Variants in MTARC1 observed in about 807,000 individuals in gnomAD.
The protein encoded by MTARC1 is mitochondrial amidoxime reducing component 1, also known as mitochondrial amidoxime-reducing component 1.
A neutral mutation model predicts 33.6 loss-of-function variants in MTARC1; 24 were observed. The ratio of observed to expected loss-of-function variants is 0.72; its 90% CI spans 0.52 to 1.01. The LOEUF is 1.01. Ranked by LOEUF, MTARC1 falls within the 50% of genes least tolerant of loss-of-function variation. MTARC1 has a pLI of 0.00. For synonymous variants in MTARC1, 187 were observed against 189.5 expected, an observed-to-expected ratio of 0.99 and a Z score of 0.11; for missense variants, 417 against 445.7, an observed-to-expected ratio of 0.94 and a Z score of 0.58.
chr1:220,813,190 C>T (rs936825659), intron 6 of MTARC1, 102 bp from the exon 7 acceptor site: 69 of 1,504,164 alleles, frequency 4.6e-5, no homozygotes, highest in Non-Finnish European at 5.4e-5. Flanking sequence ...GGTGCCCTCT[C>T]GAGCTGTGCG....
At chr1:220,799,783 G>T (rs1441382961) in intron 4 of MTARC1, among the ~76,000 whole-genome samples, 2 of 152,190 alleles carry the variant, frequency 1.3e-5, no homozygotes, top group Non-Finnish European at 2.9e-5. Flanking sequence ...TAATCCACCT[G>T]CTTCCGCAAG....
Position 220,796,541 on chromosome 1 carries a change from T to C in MTARC1, c.450-102T>C, listed in dbSNP as rs943932316. On this transcript the variant is annotated intron_variant, in intron 2 of 6. Coordinates refer to ENST00000366910, the MANE Select transcript of MTARC1 (RefSeq NM_022746.4). ...TCTTCTGATAATTAAGAAATGACAG[T>C]AATGTTACAGCTAGGAGCAGCTTTT... 6 of 1,311,388 alleles carry C rather than the reference T, an allele frequency of 4.6e-6. No homozygotes were observed. In the African/African-American group the frequency reaches 9.3e-5, roughly 20 times the overall value. 81.2% of individuals were successfully genotyped at this position (1,311,388 alleles called of 1,614,324 possible).
chr1:220,787,040 G>A lies in MTARC1; in HGVS notation c.96G>A (p.Ala32=). ...WLGVAALGLT[A]VALGAVAWRR... ...GGGTTGCCGCGCTGGGCCTGACCGC[G>A]GTGGCGCTGGGGGCTGTCGCCTGGC... Residue 32 remains alanine (A), a synonymous_variant, in exon 1 of 7, where the codon GCG becomes GCA. Transcript: ENST00000366910. 1 of 1,379,158 alleles carries A rather than the reference G, an allele frequency of 7.3e-7. No homozygotes were observed. The highest frequency in any genetic ancestry group is 1.7e-5 in the South Asian group (1 of 57,992). The allele number at this position is 1,379,158 out of a possible 1,614,324, so 85.4% of individuals were successfully genotyped here. A position where few individuals can be genotyped will look rare whatever the true frequency, so the allele number is the denominator to read the frequency against.
At chr1:220,793,310 T>C (rs1242138930) in intron 2 of MTARC1, 1 of 152,238 alleles carries the variant, frequency 6.6e-6, no homozygotes, top group Non-Finnish European at 1.5e-5. Flanking sequence ...TTTCTTACAG[T>C]TAATTTTTTT....
chr1:220,791,345 A>T, intron 1 of MTARC1, 146 bp from the exon 2 acceptor site: 1 of 809,672 alleles, frequency 1.2e-6, no homozygotes, highest in East Asian at 2.7e-5. Flanking sequence ...GATGTTTAGG[A>T]CAGACAGACA....
chr1:220,815,623 C>T lies in MTARC1; in HGVS notation c.*2205C>T, dbSNP rs1039202791. 2 of 152,172 alleles carry T rather than the reference C, an allele frequency of 1.3e-5. No homozygotes were observed. The highest frequency in any genetic ancestry group is 2.9e-5 in the Non-Finnish European group (2 of 68,036). The allele number at this position is 152,172 out of a possible 1,614,324, so 9.4% of individuals were successfully genotyped here. A position where few individuals can be genotyped will look rare whatever the true frequency, so the allele number is the denominator to read the frequency against. On this transcript the variant is annotated 3_prime_UTR_variant, in exon 7 of 7. Coordinates refer to ENST00000366910, the MANE Select transcript of MTARC1 (RefSeq NM_022746.4). ...GCTTTCTGTCAGTGAGATTTAAAGGCCATTTACTTGTGTTTATTTTATATT... is the reference window on the plus strand; with the variant it reads ...GCTTTCTGTCAGTGAGATTTAAAGGTCATTTACTTGTGTTTATTTTATATT...
At position 220,814,575 on chromosome 1, in the gene MTARC1, T is replaced by C. The variant is rs1383908786; in HGVS notation, c.*1157T>C. 2.0e-5 allele frequency: 3 copies of C among 152,046 alleles called. No individual in the cohort carries two copies. Among genetic ancestry groups the C allele is most frequent in the African/African-American group, 7.2e-5 (3 of 41,398 alleles). The allele number at this position is 152,046 out of a possible 1,614,324, so 9.4% of individuals were successfully genotyped here. ...GGATCCTGTCGCTACAAAATGTTTT[T>C]AAAATGCACTCGGTGTGGTGGTGTG... On this transcript the variant is annotated 3_prime_UTR_variant, in exon 7 of 7. Coordinates refer to ENST00000366910, the MANE Select transcript of MTARC1 (RefSeq NM_022746.4).
At position 220,816,203 on chromosome 1, in the gene MTARC1, G is replaced by A. The variant is rs1377009446; in HGVS notation, c.*2785G>A. ...TTGGGTAAATTAGACTAGCCAAATGGGACTTCGGGAAACCATTTATGAGGC... is the reference window on the plus strand; with the variant it reads ...TTGGGTAAATTAGACTAGCCAAATGAGACTTCGGGAAACCATTTATGAGGC... On this transcript the variant is annotated 3_prime_UTR_variant, in exon 7 of 7. Coordinates refer to ENST00000366910, the MANE Select transcript of MTARC1 (RefSeq NM_022746.4). The A allele has an allele frequency of 6.6e-6, 1 of 152,192 alleles. No homozygotes were observed. Among genetic ancestry groups the A allele is most frequent in the African/African-American group, 2.4e-5 (1 of 41,418 alleles). 9.4% of individuals were successfully genotyped at this position (152,192 alleles called of 1,614,324 possible). A position where few individuals can be genotyped will look rare whatever the true frequency, so the allele number is the denominator to read the frequency against.
chr1:220,815,478 G>A lies in MTARC1; in HGVS notation c.*2060G>A, dbSNP rs1434522856. ...TGCAGGGCAGCACCCACGTGGAAGG[G>A]AGCACCCAGAAACCCTCCTCACTGG... On this transcript the variant is annotated 3_prime_UTR_variant, in exon 7 of 7. Coordinates refer to ENST00000366910, the MANE Select transcript of MTARC1 (RefSeq NM_022746.4). 2 of 152,224 alleles carry A rather than the reference G, an allele frequency of 1.3e-5. No individual in the cohort carries two copies. The highest frequency in any genetic ancestry group is 2.4e-5 in the African/African-American group (1 of 41,440). The allele number at this position is 152,224 out of a possible 1,614,324, so 9.4% of individuals were successfully genotyped here. A position where few individuals can be genotyped will look rare whatever the true frequency, so the allele number is the denominator to read the frequency against.
chr1:220,807,586 A>AAAAC (rs60450695), intron 6 of MTARC1, among the ~76,000 whole-genome samples: 8,496 of 152,082 alleles, frequency 0.056, 769 homozygotes, highest in African/African-American at 0.2. Context: ...CTGTCTCACA[A>AAAAC]AAACAAACAA....
chr1:220,814,764 A>G lies in MTARC1; in HGVS notation c.*1346A>G, dbSNP rs1177302357. 1.3e-5 allele frequency: 2 copies of G among 152,202 alleles called. No individual in the cohort carries two copies. The highest frequency in any genetic ancestry group is 1.9e-4 in the East Asian group (1 of 5,156). 9.4% of individuals were successfully genotyped at this position (152,202 alleles called of 1,614,324 possible). A position where few individuals can be genotyped will look rare whatever the true frequency, so the allele number is the denominator to read the frequency against. On this transcript the variant is annotated 3_prime_UTR_variant, in exon 7 of 7. Coordinates refer to ENST00000366910, the MANE Select transcript of MTARC1 (RefSeq NM_022746.4). ...TCTAAAAAAGAAACAGGAAAAAAAA[A>G]GAAAGCTGACTGAGGTGAATGGGCA... is the stretch of plus-strand genomic sequence containing the variant.
At chr1:220,793,445 A>G (rs1421356893) in intron 2 of MTARC1, 1 of 152,242 alleles carries the variant, frequency 6.6e-6, no homozygotes, top group Non-Finnish European at 1.5e-5. Flanking sequence ...AAAGGCTTAG[A>G]CATGCTACGG....
In MTARC1 at chr1:220,814,853, AGCC is replaced by A; in HGVS notation, c.*1436_*1438del. On this transcript the variant is annotated 3_prime_UTR_variant, in exon 7 of 7. Coordinates refer to ENST00000366910, the MANE Select transcript of MTARC1 (RefSeq NM_022746.4). ...CTGCATAATGGACCTCCTCACCCACAGCCTCCCAGGCAAGCACCCATGTTTGAA... is the reference window on the plus strand; with the variant it reads ...CTGCATAATGGACCTCCTCACCCACATCCCAGGCAAGCACCCATGTTTGAA... 6.6e-6 allele frequency: 1 copy of A among 152,244 alleles called. No homozygotes were observed. The highest frequency in any genetic ancestry group is 1.5e-5 in the Non-Finnish European group (1 of 68,048). The allele number at this position is 152,244 out of a possible 1,614,324, so 9.4% of individuals were successfully genotyped here.
At chr1:220,809,518 T>A (rs1294400199) in intron 6 of MTARC1, among the ~76,000 whole-genome samples, 1 of 114,506 alleles carries the variant, frequency 8.7e-6, no homozygotes, top group Admixed American at 8.1e-5. Context: ...ATTTAATTTA[T>A]TTATTTATTG....
At position 220,791,516 on chromosome 1, in the gene MTARC1, G is replaced by A. The variant is rs1402315825; in HGVS notation, c.301G>A (p.Gly101Arg). 1 of 1,614,088 alleles carries A rather than the reference G, an allele frequency of 6.2e-7. No individual in the cohort carries two copies. The highest frequency in any genetic ancestry group is 1.3e-5 in the African/African-American group (1 of 75,006). Reference protein sequence around the residue: ...DRFWLVINQEGNMVTARQEPR... With the variant: ...DRFWLVINQERNMVTARQEPR... ...GTTTTGGCTTGTGATCAACCAGGAG[G>A]GAAACATGGTTACTGCTCGCCAGGA... is the stretch of plus-strand genomic sequence containing the variant. Residue 101 changes from glycine (G) to arginine (R), a missense_variant, in exon 2 of 7, where the codon GGA (glycine) becomes AGA (arginine). Coordinates refer to ENST00000366910, the MANE Select transcript of MTARC1 (RefSeq NM_022746.4).
Position 220,816,974 on chromosome 1 carries a change from C to T in MTARC1, c.*3556C>T, listed in dbSNP as rs1442652491. ...GAAGGGAAACCAAACTCTCTCTAAC[C>T]TTGCCCTTACAGCAATACCTGTGAT... On this transcript the variant is annotated 3_prime_UTR_variant, in exon 7 of 7. Coordinates refer to ENST00000366910, the MANE Select transcript of MTARC1 (RefSeq NM_022746.4). 5.3e-5 allele frequency: 8 copies of T among 152,214 alleles called. No individual in the cohort carries two copies. In the East Asian group the frequency reaches 1.5e-3, roughly 29 times the overall value. The allele number at this position is 152,214 out of a possible 1,614,324, so 9.4% of individuals were successfully genotyped here. A position where few individuals can be genotyped will look rare whatever the true frequency, so the allele number is the denominator to read the frequency against.
intron 3 of MTARC1, 39 bp downstream of exon 3, chr1:220,796,844 A>AC: frequency 6.4e-7 from 1 of 1,555,174 alleles, no homozygotes; most frequent in Non-Finnish European, 8.7e-7. Context: ...GAAAGCAGTC[A>AC]CCCCCAGATC....
rs563243555 is a variant in MTARC1 at position 220,791,635 on chromosome 1, G to A, written c.420G>A (p.Thr140=). 2.0e-5 allele frequency: 33 copies of A among 1,614,062 alleles called. No homozygotes were observed. The highest frequency in any genetic ancestry group is 1.6e-4 in the East Asian group (7 of 44,876). Residue 140 remains threonine (T), a synonymous_variant, in exon 2 of 7, where the codon ACG becomes ACA. Transcript: ENST00000366910. ...YTKDLLLPIK[T]PTTNAVHKCR... ...AGGACCTACTACTGCCTATCAAAAC[G>A]CCCACCACAAATGCAGTGCACAAGT... is the stretch of plus-strand genomic sequence containing the variant.
At chr1:220,803,797 A>G (rs1558090921) in intron 4 of MTARC1, among the ~76,000 whole-genome samples, 2 of 151,232 alleles carry the variant, frequency 1.3e-5, no homozygotes, top group African/African-American at 4.9e-5. Context: ...TACCCTTTTT[A>G]TGTGTTTTTT....
Sources: allele counts gnomAD v4.1 joint callset (sites outside exome capture counted in the v4.1 genomes callset), GRCh38; gene constraint gnomAD v4.1.1; transcripts MANE v1.5; gene names NCBI Gene and HGNC (gene_info 2026-07-23, HGNC 2026-07-21).